Variants in SPHK1 observed in about 807,000 individuals in gnomAD.
The protein encoded by SPHK1 is sphingosine kinase 1.
SPHK1 carries 10 observed loss-of-function variants against 14.6 expected under a neutral mutation model. The ratio of observed to expected loss-of-function variants is 0.68; its 90% CI spans 0.42 to 1.16. The LOEUF is 1.16. SPHK1 is among the 50% of genes most tolerant of loss of function. SPHK1 has a pLI of 0.00. For missense variants in SPHK1, 553 were observed against 525.4 expected (o/e 1.05, Z -0.51); for synonymous variants, 274 against 224.0 (o/e 1.22, Z -1.99).
rs1343918506 is a variant in SPHK1 at position 76,386,414 on chromosome 17, C to T, written c.280C>T (p.Arg94Trp). The T allele has an allele frequency of 1.9e-6, 3 of 1,612,316 alleles. No homozygotes were observed. The highest frequency in any genetic ancestry group is 8.5e-7 in the Non-Finnish European group (1 of 1,179,548). Residue 94 changes from arginine to tryptophan, a missense_variant, in exon 5 of 6, where the codon CGG becomes TGG. By Grantham distance (101) the Arg-to-Trp change is moderately radical (BLOSUM62 -3). Coordinates refer to ENST00000592299, the MANE Select transcript of SPHK1 (RefSeq NM_001142601.2). This position sits in a 1 kb window ranked among gnomAD's most constrained non-coding sequence, Gnocchi z 5.3. ...MHEVVNGLME[R>W]PDWETAIQKP... ...ACAGGTGGTGAACGGGCTCATGGAG[C>T]GGCCTGACTGGGAGACCGCCATCCA...
chr17:76,385,994 C>T lies in SPHK1; in HGVS notation c.20C>T (p.Pro7Leu), dbSNP rs1336541162. ...GGTTTTGTTTTCTCAGCGGGCGGCC[C>T]CCGGGGCGTGCTCCCGCGGCCCTGC... MDPAGG[P>L]RGVLPRPCRV... The change falls in exon 3 of 6, where the codon CCC (proline) becomes CTC (leucine). Residue 7 changes from proline (P) to leucine (L), a missense_variant. Coordinates refer to ENST00000592299, the MANE Select transcript of SPHK1 (RefSeq NM_001142601.2). The surrounding 1 kb of genome is among the most constrained non-coding windows in gnomAD (Gnocchi z 5.3). 4 of 1,600,666 alleles carry T rather than the reference C, an allele frequency of 2.5e-6. No homozygotes were observed. Among genetic ancestry groups the T allele is most frequent in the Non-Finnish European group, 3.4e-6 (4 of 1,172,968 alleles).
At chr17:76,384,905 C>G (rs1161952430) in intron 1 of SPHK1, 99 bp downstream of exon 1, 1 of 510,966 alleles carries the variant, frequency 2.0e-6, no homozygotes, top group Non-Finnish European at 3.3e-6. Context: ...TGGGCGAGAG[C>G]AGGCGGCAGC....
At position 76,386,793 on chromosome 17, in the gene SPHK1, T is replaced by G; in HGVS notation, c.375-13T>G. On this transcript the variant is annotated splice_polypyrimidine_tract_variant and intron_variant, in intron 5 of 5. Transcript: ENST00000592299. The surrounding 1 kb of genome is among the most constrained non-coding windows in gnomAD (Gnocchi z 5.3). Reference sequence around the variant, plus strand: ...GCTCCTGTCCTGCCTTATCTGACTTTTTCCCCCTGCAGCTATGAGCAGGTC... The same window carrying G: ...GCTCCTGTCCTGCCTTATCTGACTTGTTCCCCCTGCAGCTATGAGCAGGTC... The G allele has an allele frequency of 1.3e-6, 2 of 1,528,384 alleles. No homozygotes were observed. The highest frequency in any genetic ancestry group is 1.3e-5 in the South Asian group (1 of 77,072). 94.7% of individuals were successfully genotyped at this position (1,528,384 alleles called of 1,614,324 possible).
At position 76,386,274 on chromosome 17, in the gene SPHK1, G is replaced by A; in HGVS notation, c.217G>A (p.Asp73Asn). 1.9e-6 allele frequency: 3 copies of A among 1,599,000 alleles called. No individual in the cohort carries two copies. In the African/African-American group the frequency reaches 4.0e-5, roughly 21 times the overall value. Reference sequence around the variant, plus strand: ...GCGGTCGGAGGAGCTGGGCCGCTGGGACGCTCTGGTGGTCATGTCTGGAGA... The same window carrying A: ...GCGGTCGGAGGAGCTGGGCCGCTGGAACGCTCTGGTGGTCATGTCTGGAGA... ...LVRSEELGRW[D>N]ALVVMSGDGL... The change falls in exon 4 of 6, where the codon GAC becomes AAC. Residue 73 changes from aspartate (D) to asparagine (N), a missense_variant. By Grantham distance (23) the Asp-to-Asn change is conservative. Coordinates refer to ENST00000592299, the MANE Select transcript of SPHK1 (RefSeq NM_001142601.2). The surrounding 1 kb of genome is among the most constrained non-coding windows in gnomAD (Gnocchi z 5.3).
chr17:76,385,823 G>A lies in SPHK1; in HGVS notation c.11-162G>A, dbSNP rs1317883163. 6.9e-6 allele frequency: 10 copies of A among 1,439,472 alleles called. No homozygotes were observed. Among genetic ancestry groups the A allele is most frequent in the Admixed American group, 2.0e-5 (1 of 49,402 alleles). The allele number at this position is 1,439,472 out of a possible 1,614,324, so 89.2% of individuals were successfully genotyped here. A position where few individuals can be genotyped will look rare whatever the true frequency, so the allele number is the denominator to read the frequency against. On this transcript the variant is annotated intron_variant, in intron 2 of 5. Coordinates refer to ENST00000592299, the MANE Select transcript of SPHK1 (RefSeq NM_001142601.2). The surrounding 1 kb of genome is among the most constrained non-coding windows in gnomAD (Gnocchi z 5.3). ...AGCCAAGGAAGGGGGTGGCAGGGGC[G>A]CCGCGTCCCCACCCCAGGTCTCCCA...
rs56192907 is a variant in SPHK1, at chr17:76,386,197, T to C, written c.164-24T>C. 2,994 of 1,595,196 alleles carry C rather than the reference T, an allele frequency of 1.9e-3. 5 individuals are homozygous for C. Among genetic ancestry groups the C allele is most frequent in the Non-Finnish European group, 2.3e-3 (2,739 of 1,176,052 alleles). ...CCCTGGCAGGGGACCCCCCCAGTCCTGATAGCTGCCGGTCTCCCTGCAGAG... is the reference window on the plus strand; with the variant it reads ...CCCTGGCAGGGGACCCCCCCAGTCCCGATAGCTGCCGGTCTCCCTGCAGAG... On this transcript the variant is annotated intron_variant, in intron 3 of 5. Coordinates refer to ENST00000592299, the MANE Select transcript of SPHK1 (RefSeq NM_001142601.2). This position sits in a 1 kb window ranked among gnomAD's most constrained non-coding sequence, Gnocchi z 5.3.
Position 76,387,660 on chromosome 17 carries a change from C to A in SPHK1, c.*74C>A. The A allele has an allele frequency of 1.4e-6, 2 of 1,465,592 alleles. No individual in the cohort carries two copies. The highest frequency in any genetic ancestry group is 2.3e-5 in the East Asian group (1 of 43,176). 90.8% of individuals were successfully genotyped at this position (1,465,592 alleles called of 1,614,324 possible). A position where few individuals can be genotyped will look rare whatever the true frequency, so the allele number is the denominator to read the frequency against. ...CTTCCCTAGGGCTGCAGGGCCTGTC[C>A]ACAGCTCCTGTGGGGGTGGAGGAGA... On this transcript the variant is annotated 3_prime_UTR_variant, in exon 6 of 6. Coordinates refer to ENST00000592299, the MANE Select transcript of SPHK1 (RefSeq NM_001142601.2). The surrounding 1 kb of genome is among the most constrained non-coding windows in gnomAD (Gnocchi z 4.1).
Position 76,386,556 on chromosome 17 carries a change from T to G in SPHK1, c.374+48T>G, listed in dbSNP as rs754792626. ...GGCCTGTTTCCCGTCAGTGCTCCTC[T>G]ACCGCGGGGGTTTTCTTGTCTAAGC... On this transcript the variant is annotated intron_variant, in intron 5 of 5. Transcript: ENST00000592299. The surrounding 1 kb of genome is among the most constrained non-coding windows in gnomAD (Gnocchi z 5.3). The G allele has an allele frequency of 1.5e-5, 23 of 1,537,982 alleles. No homozygotes were observed. The highest frequency in any genetic ancestry group is 2.0e-5 in the Non-Finnish European group (22 of 1,127,266).
chr17:76,384,755 G>C lies in SPHK1; in HGVS notation c.-246G>C, dbSNP rs2071931175. ...TTGGGACGAGCTGCGTTCCGCCCCA[G>C]GCCACTGTAGGGAACGGCGGTGGCG... On this transcript the variant is annotated 5_prime_UTR_variant, in exon 1 of 6. Transcript: ENST00000592299. 5.1e-6 allele frequency: 1 copy of C among 197,782 alleles called. No individual in the cohort carries two copies. The highest frequency in any genetic ancestry group is 2.3e-5 in the African/African-American group (1 of 42,908). The allele number at this position is 197,782 out of a possible 1,614,324, so 12.3% of individuals were successfully genotyped here.
rs1473506531 is a variant in SPHK1, at chr17:76,385,446, C to T, written c.-194-5C>T. On this transcript the variant is annotated splice_region_variant and splice_polypyrimidine_tract_variant and intron_variant, in intron 1 of 5. Transcript: ENST00000592299. The surrounding 1 kb of genome is among the most constrained non-coding windows in gnomAD (Gnocchi z 5.3). Reference sequence around the variant, plus strand: ...ACTCCGCCAGCGCTGTCTTCTCTCCCTCAGGTCCAGCCGCCGCAGGGAATG... The same window carrying T: ...ACTCCGCCAGCGCTGTCTTCTCTCCTTCAGGTCCAGCCGCCGCAGGGAATG... 2.6e-6 allele frequency: 4 copies of T among 1,535,132 alleles called. No individual in the cohort carries two copies. The highest frequency in any genetic ancestry group is 3.5e-6 in the Non-Finnish European group (4 of 1,147,210).
At chr17:76,384,326 G>C (rs2071920428), upstream of SPHK1, 1 of 151,278 alleles carries the variant, frequency 6.6e-6, no homozygotes, top group East Asian at 1.9e-4. Context: ...CCCAGACACT[G>C]CGCTCGCGGC....
At position 76,386,847 on chromosome 17, in the gene SPHK1, C is replaced by G; in HGVS notation, c.416C>G (p.Thr139Arg). The G allele has an allele frequency of 6.3e-7, 1 of 1,584,824 alleles. No individual in the cohort carries two copies. The highest frequency in any genetic ancestry group is 1.1e-5 in the South Asian group (1 of 87,066). Residue 139 changes from threonine to arginine, a missense_variant, in exon 6 of 6, where the codon ACG becomes AGG. Coordinates refer to ENST00000592299, the MANE Select transcript of SPHK1 (RefSeq NM_001142601.2). This position sits in a 1 kb window ranked among gnomAD's most constrained non-coding sequence, Gnocchi z 5.3. ...AATGAAGACCTCCTGACCAACTGCA[C>G]GCTATTGCTGTGCCGCCGGCTGCTG... ...VTNEDLLTNC[T>R]LLLCRRLLSP...
Position 76,385,688 on chromosome 17 carries a change from G to C in SPHK1, c.10+34G>C, listed in dbSNP as rs1272263856. On this transcript the variant is annotated intron_variant, in intron 2 of 5. Coordinates refer to ENST00000592299, the MANE Select transcript of SPHK1 (RefSeq NM_001142601.2). The surrounding 1 kb of genome is among the most constrained non-coding windows in gnomAD (Gnocchi z 5.3). The stretch of plus-strand genomic sequence containing the variant: ...GGTTCCTGCTGGGAAGGGCTGTAGG[G>C]GGATTCCTGTTCCTCGCCAGGAATG... 6.6e-7 allele frequency: 1 copy of C among 1,520,518 alleles called. No individual in the cohort carries two copies. Among genetic ancestry groups the C allele is most frequent in the Non-Finnish European group, 8.8e-7 (1 of 1,134,690 alleles). The allele number at this position is 1,520,518 out of a possible 1,614,324, so 94.2% of individuals were successfully genotyped here.
At position 76,386,238 on chromosome 17, in the gene SPHK1, C is replaced by T. The variant is rs754710984; in HGVS notation, c.181C>T (p.Arg61Trp). The T allele has an allele frequency of 2.5e-6, 4 of 1,594,764 alleles. No homozygotes were observed. Among genetic ancestry groups the T allele is most frequent in the African/African-American group, 2.7e-5 (2 of 74,794 alleles). ...CCCTGCAGAGCGGCGGAACCACGCG[C>T]GGGAGCTGGTGCGGTCGGAGGAGCT... ...LMLTERRNHA[R>W]ELVRSEELGR... The change falls in exon 4 of 6, where the codon CGG (arginine) becomes TGG (tryptophan). Residue 61 changes from arginine (R) to tryptophan (W), a missense_variant. Physicochemically the swap from Arg to Trp is moderately radical, Grantham distance 101 (BLOSUM62 -3). Transcript: ENST00000592299. This position sits in a 1 kb window ranked among gnomAD's most constrained non-coding sequence, Gnocchi z 5.3.
Position 76,385,386 on chromosome 17 carries a change from C to T in SPHK1, c.-194-65C>T, listed in dbSNP as rs2071947886. 6.9e-7 allele frequency: 1 copy of T among 1,456,548 alleles called. No homozygotes were observed. The highest frequency in any genetic ancestry group is 9.0e-7 in the Non-Finnish European group (1 of 1,107,522). 90.2% of individuals were successfully genotyped at this position (1,456,548 alleles called of 1,614,324 possible). ...CCCGCGCGTGGTCCCGGGATTTAGTCGGGCGCTCCCCACCTCTGGCAGCTG... is the reference window on the plus strand; with the variant it reads ...CCCGCGCGTGGTCCCGGGATTTAGTTGGGCGCTCCCCACCTCTGGCAGCTG... On this transcript the variant is annotated intron_variant, in intron 1 of 5. Coordinates refer to ENST00000592299, the MANE Select transcript of SPHK1 (RefSeq NM_001142601.2). The surrounding 1 kb of genome is among the most constrained non-coding windows in gnomAD (Gnocchi z 5.3).
chr17:76,386,974 T>A lies in SPHK1; in HGVS notation c.543T>A (p.Ser181Arg), dbSNP rs1043740360. The A allele has an allele frequency of 1.9e-6, 3 of 1,613,160 alleles. No individual in the cohort carries two copies. Among genetic ancestry groups the A allele is most frequent in the Non-Finnish European group, 2.5e-6 (3 of 1,179,766 alleles). ...TCATTGCTGATGTGGACCTAGAGAG[T>A]GAGAAGTATCGGCGTCTGGGGGAGA... ...WGFIADVDLESEKYRRLGEMR... is the reference protein window; with the variant it reads ...WGFIADVDLEREKYRRLGEMR... Residue 181 changes from serine (S) to arginine (R), a missense_variant, in exon 6 of 6, where the codon AGT becomes AGA. Coordinates refer to ENST00000592299, the MANE Select transcript of SPHK1 (RefSeq NM_001142601.2). The surrounding 1 kb of genome is among the most constrained non-coding windows in gnomAD (Gnocchi z 5.3).
chr17:76,385,198 A>C lies in SPHK1; in HGVS notation c.-194-253A>C. 8.9e-6 allele frequency: 14 copies of C among 1,566,756 alleles called. No individual in the cohort carries two copies. Among genetic ancestry groups the C allele is most frequent in the Non-Finnish European group, 1.2e-5 (14 of 1,156,908 alleles). On this transcript the variant is annotated intron_variant, in intron 1 of 5. Coordinates refer to ENST00000592299, the MANE Select transcript of SPHK1 (RefSeq NM_001142601.2). This position sits in a 1 kb window ranked among gnomAD's most constrained non-coding sequence, Gnocchi z 5.3. Reference sequence around the variant, plus strand: ...AGGAGCTAGTCCGTCGGAGGGAGCCACGGGGCTCTGACTCATCCGTCGGGC... The same window carrying C: ...AGGAGCTAGTCCGTCGGAGGGAGCCCCGGGGCTCTGACTCATCCGTCGGGC...
chr17:76,384,545 G>A (rs1483290351), upstream of SPHK1: 2 of 151,254 alleles, frequency 1.3e-5, no homozygotes, highest in Non-Finnish European at 3.0e-5. Context: ...AGAGGCCGAG[G>A]CCGCGCCGGG....
chr17:76,387,072 C>G lies in SPHK1; in HGVS notation c.641C>G (p.Pro214Arg). 6.2e-7 allele frequency: 1 copy of G among 1,613,462 alleles called. No homozygotes were observed. Among genetic ancestry groups the G allele is most frequent in the Non-Finnish European group, 8.5e-7 (1 of 1,180,032 alleles). The change falls in exon 6 of 6, where the codon CCT (proline) becomes CGT (arginine). Residue 214 changes from proline (P) to arginine (R), a missense_variant. Coordinates refer to ENST00000592299, the MANE Select transcript of SPHK1 (RefSeq NM_001142601.2). The surrounding 1 kb of genome is among the most constrained non-coding windows in gnomAD (Gnocchi z 4.1). ...TACCGCGGCCGACTGGCCTACCTCCCTGTAGGAAGAGTGGGTTCCAAGACA... is the reference window on the plus strand; with the variant it reads ...TACCGCGGCCGACTGGCCTACCTCCGTGTAGGAAGAGTGGGTTCCAAGACA... The part of the protein sequence containing the change: ...RTYRGRLAYL[P>R]VGRVGSKTPA...
Sources: allele counts gnomAD v4.1 joint callset, GRCh38; gene constraint gnomAD v4.1.1; non-coding constraint Gnocchi (gnomAD v3.1); transcripts MANE v1.5; gene names NCBI Gene and HGNC (gene_info 2026-07-23, HGNC 2026-07-21).